The following MCPH1 variants were observed in gnomAD, a reference collection of about 807,000 sequenced individuals.
MCPH1 encodes microcephalin 1.
MCPH1 carries 104 observed loss-of-function variants against 84.5 expected under a neutral mutation model. The observed-to-expected ratio is 1.23, with a 90% CI of 1.05 to 1.45. The LOEUF is 1.45. Ranked by LOEUF, MCPH1 falls within the 40% of genes most tolerant of loss-of-function variation. MCPH1 has a pLI of 0.00. For synonymous variants in MCPH1, 514 were observed against 366.8 expected (o/e 1.40, Z -4.58); for missense variants, 1,498 against 1,005.7 (o/e 1.49, Z -6.62).
chr8:6,408,890 T>C (rs998627858), intron 1 of MCPH1, among the ~76,000 whole-genome samples: 1 of 5,920 alleles, frequency 1.7e-4, no homozygotes, highest in Non-Finnish European at 1.4e-3. Context: ...TTTACTTTTT[T>C]CTTTTTTTTT....
At chr8:6,445,900 T>C (rs1585819945) in intron 8 of MCPH1, 2 of 1,010,060 alleles carry the variant, frequency 2.0e-6, no homozygotes, top group East Asian at 1.9e-4. Flanking sequence ...TAAAGATGTA[T>C]ACGATAGAGA....
chr8:6,584,280 G>T (rs891473985), intron 12 of MCPH1, among the ~76,000 whole-genome samples: 7 of 152,198 alleles, frequency 4.6e-5, no homozygotes, highest in Non-Finnish European at 8.8e-5. Flanking sequence ...CGTCTGGGAT[G>T]TGAATTCCTC....
intron 13 of MCPH1, chr8:6,625,719 G>A: frequency 1.0e-6 from 1 of 979,170 alleles, no homozygotes; most frequent in Non-Finnish European, 1.2e-6. Flanking sequence ...ATAAGTTCAA[G>A]GCTGCGGTGA....
intron 12 of MCPH1, among the ~76,000 whole-genome samples, chr8:6,541,739 C>G (rs1350277037): frequency 6.6e-6 from 1 of 152,152 alleles, no homozygotes; most frequent in South Asian, 2.1e-4. Context: ...CATAGTGGCT[C>G]ACTCCTGTAA....
chr8:6,510,495 G>A (rs1814824168), intron 12 of MCPH1, among the ~76,000 whole-genome samples: 2 of 152,198 alleles, frequency 1.3e-5, no homozygotes, highest in Admixed American at 6.5e-5. Flanking sequence ...GAGAGAAAAT[G>A]TTCTTTTAGT....
At chr8:6,545,813 G>A (rs1263697260) in intron 12 of MCPH1, among the ~76,000 whole-genome samples, 2 of 152,178 alleles carry the variant, frequency 1.3e-5, no homozygotes, top group African/African-American at 4.8e-5. Flanking sequence ...ATTGCCCATT[G>A]GAATAAATAC....
intron 12 of MCPH1, among the ~76,000 whole-genome samples, chr8:6,613,181 C>T (rs1486594165): frequency 6.6e-6 from 1 of 152,146 alleles, no homozygotes; most frequent in Non-Finnish European, 1.5e-5. Context: ...CTCCACTGTC[C>T]TCAGTGGGGA....
At chr8:6,505,953 ATATATAAAAACATACATATTCTTTG>A (rs61720737) in intron 12 of MCPH1, among the ~76,000 whole-genome samples, 15,596 of 28,710 alleles carry the variant, frequency 0.54, 3,390 homozygotes, top group African/African-American at 0.59. Context: ...TTATATATGT[ATATATAAAAACATACATATTCTTTG>A]TATATATAAA....
intron 4 of MCPH1, among the ~76,000 whole-genome samples, chr8:6,433,177 C>T (rs1802088789): frequency 6.6e-6 from 1 of 152,132 alleles, no homozygotes; most frequent in Non-Finnish European, 1.5e-5. Context: ...ACTGTTTTTC[C>T]GGTATTCATG....
chr8:6,526,105 A>G (rs908829481), intron 12 of MCPH1, among the ~76,000 whole-genome samples: 1 of 152,072 alleles, frequency 6.6e-6, no homozygotes, highest in East Asian at 1.9e-4. Context: ...TTTGAAGAGA[A>G]CATTACTAAG....
At chr8:6,538,122 A>G (rs900810905) in intron 12 of MCPH1, among the ~76,000 whole-genome samples, 21 of 151,930 alleles carry the variant, frequency 1.4e-4, no homozygotes, top group South Asian at 2.1e-4. Context: ...TTCTATCCCA[A>G]TGATCCATCC....
intron 4 of MCPH1, among the ~76,000 whole-genome samples, chr8:6,431,944 C>T (rs917200593): frequency 3.3e-5 from 5 of 152,120 alleles, no homozygotes; most frequent in Admixed American, 1.3e-4. Context: ...CTCAAAAGTC[C>T]GATGGACCTA....
At chr8:6,499,769 C>A (rs180830302) in intron 11 of MCPH1, 83 bp from the exon 12 acceptor site, 2 of 1,206,562 alleles carry the variant, frequency 1.7e-6, no homozygotes, top group Non-Finnish European at 2.5e-6. Context: ...TCACTTTTTG[C>A]TGTGTCTTCA....
chr8:6,518,234 CT>C (rs1816666032), intron 12 of MCPH1, among the ~76,000 whole-genome samples: 1 of 152,208 alleles, frequency 6.6e-6, no homozygotes, highest in Admixed American at 6.5e-5. Context: ...TCTGTCCCCC[CT>C]CTTGACACTC....
chr8:6,551,522 T>C (rs1293951163), intron 12 of MCPH1, among the ~76,000 whole-genome samples: 1 of 152,178 alleles, frequency 6.6e-6, no homozygotes, highest in Non-Finnish European at 1.5e-5. Context: ...AAATCACCAG[T>C]TGTTGTTTGA....
chr8:6,642,865 G>C, intron 13 of MCPH1, 129 bp from the exon 14 acceptor site: 1 of 793,092 alleles, frequency 1.3e-6, no homozygotes, highest in East Asian at 2.6e-5. Flanking sequence ...GGACGTGGGG[G>C]GGCCTATGGA....
chr8:6,547,055 T>A (rs1822724038), intron 12 of MCPH1, among the ~76,000 whole-genome samples: 1 of 152,114 alleles, frequency 6.6e-6, no homozygotes, highest in Admixed American at 6.5e-5. Flanking sequence ...GTTCCGTGTG[T>A]ACCGTGGTTG....
Position 6,444,977 on chromosome 8 carries a change from G to A in MCPH1, c.1255G>A (p.Asp419Asn). The A allele has an allele frequency of 6.2e-7, 1 of 1,614,194 alleles. No homozygotes were observed. Among genetic ancestry groups the A allele is most frequent in the Non-Finnish European group, 8.5e-7 (1 of 1,180,044 alleles). Residue 419 changes from aspartate (D) to asparagine (N), a missense_variant, in exon 8 of 14, where the codon GAT becomes AAT. By Grantham distance (23) the Asp-to-Asn change is conservative (BLOSUM62 1). Coordinates refer to ENST00000344683, the MANE Select transcript of MCPH1 (RefSeq NM_024596.5). ...TTCATATGATGACTATTTTTCACCT[G>A]ATAATCTTAAGGAAAGGTATTCAGA... ...ESSYDDYFSPDNLKERYSENL... is the reference protein window; with the variant it reads ...ESSYDDYFSPNNLKERYSENL...
intron 8 of MCPH1, among the ~76,000 whole-genome samples, chr8:6,448,985 A>C (rs1804746014): frequency 6.6e-6 from 1 of 152,172 alleles, no homozygotes; most frequent in Non-Finnish European, 1.5e-5. Flanking sequence ...AGAAAAATAA[A>C]ATAATTTGTG....
Sources: gnomAD v4.1 joint callset for allele counts (sites outside exome capture counted in the v4.1 genomes callset) on GRCh38, gnomAD v4.1.1 for gene constraint, MANE v1.5 for transcripts, NCBI Gene and HGNC (gene_info 2026-07-23, HGNC 2026-07-21) for gene names.